Variants in ADAMTS15 observed in about 807,000 individuals in gnomAD.
The protein encoded by ADAMTS15 is ADAM metallopeptidase with thrombospondin type 1 motif 15, also known as A disintegrin and metalloproteinase with thrombospondin motifs 15.
ADAMTS15 carries 35 observed loss-of-function variants against 79.1 expected under a neutral mutation model. The observed-to-expected ratio is 0.44, with a 90% CI of 0.34 to 0.59. The LOEUF (loss-of-function observed/expected upper bound fraction) is 0.59, where lower values mean the gene tolerates loss of function less well. Among genes scored for constraint, ADAMTS15 ranks in the 20% least tolerant of loss-of-function variants. The pLI, the probability that ADAMTS15 is intolerant of heterozygous loss-of-function variation, is 0.02. For missense variants in ADAMTS15, 1,324 were observed against 1,318.7 expected (o/e 1.00, Z -0.06); for synonymous variants, 616 against 567.3 (o/e 1.09, Z -1.22).
At chr11:130,458,485 C>T (rs1938133721) in intron 1 of ADAMTS15, among the ~76,000 whole-genome samples, 1 of 152,142 alleles carries the variant, frequency 6.6e-6, no homozygotes, top group African/African-American at 2.4e-5. Flanking sequence ...CAAGATGTTC[C>T]TTGGGGTTCT....
intron 1 of ADAMTS15, among the ~76,000 whole-genome samples, chr11:130,453,318 A>G (rs1938004659): frequency 8.3e-6 from 1 of 121,126 alleles, no homozygotes; most frequent in Admixed American, 7.9e-5. Flanking sequence ...TTATGGTTTT[A>G]CTGTCTGTTT....
chr11:130,462,587 T>C lies in ADAMTS15; in HGVS notation c.1349T>C (p.Leu450Pro). The C allele has an allele frequency of 6.2e-7, 1 of 1,613,704 alleles. No individual in the cohort carries two copies. Among genetic ancestry groups the C allele is most frequent in the Non-Finnish European group, 8.5e-7 (1 of 1,179,814 alleles). The change falls in exon 4 of 8, where the codon CTG becomes CCG. Residue 450 changes from leucine (L) to proline (P), a missense_variant. Coordinates refer to ENST00000299164, the MANE Select transcript of ADAMTS15 (RefSeq NM_139055.4). The surrounding 1 kb of genome is among the most constrained non-coding windows in gnomAD (Gnocchi z 4.3). Reference sequence around the variant, plus strand: ...TACACCCTGAGCCAGCAGTGCGAGCTGGCTTTTGGCGTGGGCTCCAAGCCC... The same window carrying C: ...TACACCCTGAGCCAGCAGTGCGAGCCGGCTTTTGGCGTGGGCTCCAAGCCC... Reference protein sequence around the residue: ...ASYTLSQQCELAFGVGSKPCP... With the variant: ...ASYTLSQQCEPAFGVGSKPCP...
At chr11:130,467,128 G>C (rs1313911508) in intron 4 of ADAMTS15, among the ~76,000 whole-genome samples, 4 of 152,212 alleles carry the variant, frequency 2.6e-5, no homozygotes, top group Admixed American at 2.6e-4. Flanking sequence ...TGTTCAAATA[G>C]GAAGCAATGA....
rs534882373 is a variant in ADAMTS15 at position 130,448,751 on chromosome 11, G to A, written c.-223G>A. On this transcript the variant is annotated 5_prime_UTR_variant, in exon 1 of 8. Transcript: ENST00000299164. ...GACAGCGATTGTACTTAAGCTCCCAGGGCGCGCTTTGCTTGGAAAGGCACA... is the reference window on the plus strand; with the variant it reads ...GACAGCGATTGTACTTAAGCTCCCAAGGCGCGCTTTGCTTGGAAAGGCACA... Among the ~76,000 whole-genome samples the A allele has an allele frequency of 3.4e-4, 52 of 152,332 alleles. No homozygotes were observed. The South Asian group carries it at 0.01, about 30-fold the overall frequency.
At chr11:130,455,028 A>G (rs1641451445) in intron 1 of ADAMTS15, among the ~76,000 whole-genome samples, 1 of 152,030 alleles carries the variant, frequency 6.6e-6, no homozygotes, top group Admixed American at 6.5e-5. Flanking sequence ...GCTTGGAGTC[A>G]GGCAGAGCTG....
chr11:130,470,166 A>ATATATGTG lies in ADAMTS15; in HGVS notation c.1720+732_1720+733insGTGTATAT, dbSNP rs1565397707. ...TATATATATATGTGTATATATATAT[A>ATATATGTG]TATATATATATATATGTGTGTATAT... is the stretch of plus-strand genomic sequence containing the variant. On this transcript the variant is annotated intron_variant, in intron 5 of 7. Coordinates refer to ENST00000299164, the MANE Select transcript of ADAMTS15 (RefSeq NM_139055.4). Among the ~76,000 whole-genome samples the ATATATGTG allele has an allele frequency of 6.9e-5, 4 of 57,578 alleles. No homozygotes were observed. In the East Asian group the frequency reaches 1.4e-3, roughly 20 times the overall value. 37.8% of individuals were successfully genotyped at this position (57,578 alleles called of 152,430 possible).
In ADAMTS15 at chr11:130,449,215, C is replaced by T. The variant is rs1443294752; in HGVS notation, c.242C>T (p.Thr81Ile). The T allele has an allele frequency of 1.9e-6, 3 of 1,614,118 alleles. No homozygotes were observed. The highest frequency in any genetic ancestry group is 1.7e-5 in the Admixed American group (1 of 60,038). The change falls in exon 1 of 8, where the codon ACT becomes ATT. Residue 81 changes from threonine to isoleucine, a missense_variant. By Grantham distance (89) the Thr-to-Ile change is moderately conservative. Transcript: ENST00000299164. The surrounding 1 kb of genome is among the most constrained non-coding windows in gnomAD (Gnocchi z 7.8). ...CAGTTCTTGGCTCCCGCCTTCTCCACTGAGCATCTGGGCGTCCCCCTCCAG... is the reference window on the plus strand; with the variant it reads ...CAGTTCTTGGCTCCCGCCTTCTCCATTGAGCATCTGGGCGTCCCCCTCCAG... ...DAQFLAPAFS[T>I]EHLGVPLQGL...
chr11:130,467,793 A>G (rs1167510663), intron 4 of ADAMTS15, among the ~76,000 whole-genome samples: 2 of 152,108 alleles, frequency 1.3e-5, no homozygotes, highest in Non-Finnish European at 2.9e-5. Context: ...AAAAAAAAAA[A>G]AAAGTCCTCC....
chr11:130,471,312 C>T lies in ADAMTS15; in HGVS notation c.2007C>T (p.Phe669=), dbSNP rs139750111. 567 of 1,613,078 alleles carry T rather than the reference C, an allele frequency of 3.5e-4. No individual in the cohort carries two copies. The African/African-American group carries it at 5.9e-3, about 17-fold the overall frequency. Residue 669 remains phenylalanine (F), a synonymous_variant, in exon 7 of 8, where the codon TTC becomes TTT. Transcript: ENST00000299164. ...GGAACCTGGGCTCCAAGAAGAGATT[C>T]GACAAGTGTGGGGTGTGTGGGGGAG... ...CDGNLGSKKR[F]DKCGVCGGDN...
chr11:130,470,162 A>ATATATATATATATATGTGTG, intron 5 of ADAMTS15, among the ~76,000 whole-genome samples: 1 of 56,580 alleles, frequency 1.8e-5, no homozygotes, highest in Non-Finnish European at 3.3e-5. Context: ...GTGTATATAT[A>ATATATATATATATATGTGTG]TATATATATA....
rs772522645 is a variant in ADAMTS15, at chr11:130,461,639, C to T, written c.1090+18C>T. On this transcript the variant is annotated intron_variant, in intron 2 of 7. Coordinates refer to ENST00000299164, the MANE Select transcript of ADAMTS15 (RefSeq NM_139055.4). Reference sequence around the variant, plus strand: ...CGAGCTGGGTAAGGCTGGATAAGCTCCTCCTGGGGTCTTCTGGGTTTGCCT... The same window carrying T: ...CGAGCTGGGTAAGGCTGGATAAGCTTCTCCTGGGGTCTTCTGGGTTTGCCT... The T allele has an allele frequency of 9.9e-6, 16 of 1,613,544 alleles. No individual in the cohort carries two copies. The South Asian group carries it at 1.5e-4, about 16-fold the overall frequency.
chr11:130,465,333 C>T (rs935759326), intron 4 of ADAMTS15, among the ~76,000 whole-genome samples: 6 of 152,186 alleles, frequency 3.9e-5, no homozygotes, highest in African/African-American at 7.2e-5. Flanking sequence ...GTGTGCTTTG[C>T]GCGGGAACCC....
chr11:130,451,728 G>T (rs1937964867), intron 1 of ADAMTS15, among the ~76,000 whole-genome samples: 1 of 152,210 alleles, frequency 6.6e-6, no homozygotes, highest in East Asian at 1.9e-4. Context: ...GCTGGCTTCT[G>T]GAGTCAGCCC....
Position 130,449,867 on chromosome 11 carries a change from G to A in ADAMTS15, c.894G>A (p.Lys298=). The change falls in exon 1 of 8, where the codon AAG becomes AAA. Residue 298 remains lysine (K), a synonymous_variant. Coordinates refer to ENST00000299164, the MANE Select transcript of ADAMTS15 (RefSeq NM_139055.4). This position sits in a 1 kb window ranked among gnomAD's most constrained non-coding sequence, Gnocchi z 7.8. ...GCAACTTCTGTGCCTGGCAGAAGAA[G>A]CTGAACAAAGTGAGTGACAAGCACC... is the stretch of plus-strand genomic sequence containing the variant. The part of the protein sequence containing the change: ...TLRNFCAWQK[K]LNKVSDKHPE... The A allele has an allele frequency of 6.2e-7, 1 of 1,604,508 alleles. No individual in the cohort carries two copies. Among genetic ancestry groups the A allele is most frequent in the Non-Finnish European group, 8.5e-7 (1 of 1,179,990 alleles).
intron 1 of ADAMTS15, chr11:130,450,134 T>A (rs1937933404): frequency 1.4e-5 from 14 of 985,472 alleles, no homozygotes; most frequent in Non-Finnish European, 1.7e-5. Flanking sequence ...TCTGGGCCAT[T>A]GGAGGAGAGC....
intron 5 of ADAMTS15, 149 bp from the exon 6 acceptor site, chr11:130,470,771 T>C: frequency 1.1e-6 from 1 of 874,342 alleles, no homozygotes; most frequent in Non-Finnish European, 1.8e-6. Context: ...CCAGCCTGCT[T>C]TAGTGCTTTC....
chr11:130,470,210 G>GTGTA (rs1441169535), intron 5 of ADAMTS15, among the ~76,000 whole-genome samples: 1 of 32,998 alleles, frequency 3.0e-5, no homozygotes, highest in Non-Finnish European at 6.1e-5. Context: ...ATATATATAT[G>GTGTA]TATATATATA....
rs564922366 is a variant in ADAMTS15, at chr11:130,473,441, G to A, written c.2473G>A (p.Val825Ile). ...GGGACCCTCTGTCTTGCACAACAGC[G>A]TCCTCAGCCTCTCCAACCAGGTGGA... ...PRGPSVLHNSVLSLSNQVEQP... is the reference protein window; with the variant it reads ...PRGPSVLHNSILSLSNQVEQP... Residue 825 changes from valine to isoleucine, a missense_variant, in exon 8 of 8, where the codon GTC becomes ATC. By Grantham distance (29) the Val-to-Ile change is conservative. Coordinates refer to ENST00000299164, the MANE Select transcript of ADAMTS15 (RefSeq NM_139055.4). 5.0e-6 allele frequency: 8 copies of A among 1,612,710 alleles called. No homozygotes were observed. The highest frequency in any genetic ancestry group is 3.3e-5 in the South Asian group (3 of 91,086).
chr11:130,473,058 A>G lies in ADAMTS15; in HGVS notation c.2090A>G (p.Asn697Ser), dbSNP rs762669189. Residue 697 changes from asparagine to serine, a missense_variant, in exon 8 of 8, where the codon AAT (asparagine) becomes AGT (serine). Coordinates refer to ENST00000299164, the MANE Select transcript of ADAMTS15 (RefSeq NM_139055.4). ...CTTTCCCCCGCCAGGCATGGCTACA[A>G]TTTCGTGGTGGCCATCCCCGCAGGC... ...GLFTKPMHGY[N>S]FVVAIPAGAS... 6 of 1,613,440 alleles carry G rather than the reference A, an allele frequency of 3.7e-6. No homozygotes were observed. Among genetic ancestry groups the G allele is most frequent in the South Asian group, 2.2e-5 (2 of 91,074 alleles).
Sources: allele counts gnomAD v4.1 joint callset (sites outside exome capture counted in the v4.1 genomes callset), GRCh38; gene constraint gnomAD v4.1.1; non-coding constraint Gnocchi (gnomAD v3.1); transcripts MANE v1.5; gene names NCBI Gene and HGNC (gene_info 2026-07-23, HGNC 2026-07-21).